TM9SF4: variants seen among roughly 807,000 people sequenced by gnomAD.
TM9SF4 encodes transmembrane 9 superfamily member 4, also known as dinucleotide oxidase disulfide thiol exchanger 3 superfamily member 4.
TM9SF4 carries 26 observed loss-of-function variants against 90.4 expected under a neutral mutation model. The observed-to-expected ratio is 0.29, with a 90% CI of 0.21 to 0.40. The LOEUF (loss-of-function observed/expected upper bound fraction) is 0.40, where lower values mean the gene tolerates loss of function less well. TM9SF4 is among the 10% of genes least tolerant of loss of function. The pLI, the probability that TM9SF4 is intolerant of heterozygous loss-of-function variation, is 1.00. For synonymous variants in TM9SF4, 293 were observed against 315.4 expected (o/e 0.93, Z 0.75); for missense variants, 549 against 834.8 (o/e 0.66, Z 4.22).
intron 1 of TM9SF4, among the ~76,000 whole-genome samples, chr20:32,113,983 G>C (rs901560649): frequency 3.3e-5 from 5 of 152,340 alleles, no homozygotes; most frequent in African/African-American, 1.2e-4. Context: ...TCATGTATCA[G>C]TAGTGCCGCA....
intron 13 of TM9SF4, 100 bp from the exon 14 acceptor site, chr20:32,157,694 G>A (rs997061430): frequency 2.1e-5 from 30 of 1,455,530 alleles, no homozygotes; most frequent in African/African-American, 1.1e-4. Context: ...TGCACAAGTC[G>A]CCTCTCCTTC....
At position 32,119,948 on chromosome 20, in the gene TM9SF4, T is replaced by C. The variant is rs1218315665; in HGVS notation, c.15+10193T>C. On this transcript the variant is annotated intron_variant, in intron 1 of 17. Transcript: ENST00000398022. ...TATTGAATTTGCCTTGTCAGCTTTG[T>C]TGAAAATCAATTTAGTATAAATGTA... Among the ~76,000 whole-genome samples the C allele has an allele frequency of 2.0e-5, 3 of 152,224 alleles. No individual in the cohort carries two copies. The East Asian group carries it at 5.8e-4, about 29-fold the overall frequency.
chr20:32,149,876 C>A, intron 10 of TM9SF4, 110 bp downstream of exon 10: 1 of 1,455,192 alleles, frequency 6.9e-7, no homozygotes. Context: ...AAGCTCCTGG[C>A]ACCAAGTGGG....
intron 3 of TM9SF4, among the ~76,000 whole-genome samples, chr20:32,141,216 CAAAAAAAAAAAA>C (rs71185383): frequency 3.5e-4 from 9 of 26,036 alleles, no homozygotes; most frequent in African/African-American, 1.1e-3. Context: ...GACTCCATCT[CAAAAAAAAAAAA>C]AAAAAAAAAA....
At position 32,165,473 on chromosome 20, in the gene TM9SF4, C is replaced by T. The variant is rs751424761; in HGVS notation, c.*29C>T. The T allele has an allele frequency of 8.7e-6, 14 of 1,608,570 alleles. No homozygotes were observed. Among genetic ancestry groups the T allele is most frequent in the East Asian group, 2.2e-5 (1 of 44,710 alleles). ...GAGTGGACCACGGCCAAGCTTGCTCCGTCCTCGGACAGGAAGCCACCCTGC... is the reference window on the plus strand; with the variant it reads ...GAGTGGACCACGGCCAAGCTTGCTCTGTCCTCGGACAGGAAGCCACCCTGC... On this transcript the variant is annotated 3_prime_UTR_variant, in exon 18 of 18. Coordinates refer to ENST00000398022, the MANE Select transcript of TM9SF4 (RefSeq NM_014742.4).
intron 13 of TM9SF4, among the ~76,000 whole-genome samples, chr20:32,155,418 C>T (rs915750436): frequency 6.6e-6 from 1 of 152,220 alleles, no homozygotes. Context: ...CTGACCCAAG[C>T]CCACTTCTCT....
chr20:32,136,751 G>A (rs1468494285), intron 3 of TM9SF4: 1 of 433,446 alleles, frequency 2.3e-6, no homozygotes, highest in Non-Finnish European at 4.8e-6. Context: ...CAGGTGTAGA[G>A]GTGTCTAGTC....
chr20:32,135,572 G>A (rs1055736839), intron 2 of TM9SF4, among the ~76,000 whole-genome samples: 3 of 152,182 alleles, frequency 2.0e-5, no homozygotes, highest in Admixed American at 6.5e-5. Context: ...CCCTGGTGAG[G>A]TAAGGACACA....
At chr20:32,163,268 A>AAAAAAAAATAT (rs1555886757) in intron 17 of TM9SF4, among the ~76,000 whole-genome samples, 8 of 74,492 alleles carry the variant, frequency 1.1e-4, no homozygotes, top group African/African-American at 4.1e-4. Flanking sequence ...AAAAAAAAAA[A>AAAAAAAAATAT]ATATATATAT....
chr20:32,110,401 C>G (rs1319938674), intron 1 of TM9SF4, among the ~76,000 whole-genome samples: 1 of 152,176 alleles, frequency 6.6e-6, no homozygotes, highest in Non-Finnish European at 1.5e-5. Flanking sequence ...TCTTAGGGAC[C>G]TTTTACCCTG....
intron 1 of TM9SF4, among the ~76,000 whole-genome samples, chr20:32,113,875 G>C (rs2046184387): frequency 6.6e-6 from 1 of 152,096 alleles, no homozygotes; most frequent in Non-Finnish European, 1.5e-5. Context: ...CTATAGATTT[G>C]CCTATTCTGG....
chr20:32,153,725 C>T (rs2046876381), intron 12 of TM9SF4, among the ~76,000 whole-genome samples: 1 of 152,070 alleles, frequency 6.6e-6, no homozygotes, highest in South Asian at 2.1e-4. Flanking sequence ...GCCTGAGTGA[C>T]AGAGTGAGAC....
At chr20:32,119,010 G>C (rs1267723682) in intron 1 of TM9SF4, among the ~76,000 whole-genome samples, 1 of 152,130 alleles carries the variant, frequency 6.6e-6, no homozygotes, top group African/African-American at 2.4e-5. Flanking sequence ...ACATTATGTT[G>C]TGTGCCTACC....
chr20:32,161,040 A>AT (rs905239130), intron 16 of TM9SF4: 8,447 of 226,678 alleles, frequency 0.037, 14 homozygotes, highest in Non-Finnish European at 0.049. Flanking sequence ...TTTGTTGTTG[A>AT]TTTTTTTTTT....
intron 3 of TM9SF4, chr20:32,136,950 G>C: frequency 2.1e-6 from 1 of 471,094 alleles, no homozygotes; most frequent in Non-Finnish European, 4.4e-6. Context: ...GCTACGCATG[G>C]CTCAGATGTT....
chr20:32,160,643 C>A (rs1274259399), intron 16 of TM9SF4, among the ~76,000 whole-genome samples: 1 of 152,142 alleles, frequency 6.6e-6, no homozygotes, highest in Non-Finnish European at 1.5e-5. Flanking sequence ...GTGGATTCAT[C>A]TATAGCACTT....
Position 32,134,626 on chromosome 20 carries a change from G to A in TM9SF4, c.130-1448G>A, listed in dbSNP as rs145791959. On this transcript the variant is annotated intron_variant, in intron 2 of 17. Coordinates refer to ENST00000398022, the MANE Select transcript of TM9SF4 (RefSeq NM_014742.4). ...ACTGTCCAGACCCAGCTTGGCTATG[G>A]TTTGTATACCACATTGCCTTCTAAA... Among the ~76,000 whole-genome samples, 914 of 151,576 alleles carry A rather than the reference G, an allele frequency of 6.0e-3. 6 individuals are homozygous for A. Among genetic ancestry groups the A allele is most frequent in the Non-Finnish European group, 9.6e-3 (649 of 67,890 alleles).
Position 32,143,101 on chromosome 20 carries a change from G to A in TM9SF4, c.648G>A (p.Leu216=), listed in dbSNP as rs899691905. 54 of 1,612,976 alleles carry A rather than the reference G, an allele frequency of 3.3e-5. No individual in the cohort carries two copies. The highest frequency in any genetic ancestry group is 5.3e-5 in the African/African-American group (4 of 74,904). ...RFEVIPQSIR[L]EDLKADEKSS... is the part of the protein sequence containing the mutation. ...AGGTGATTCCCCAGAGCATCAGGCT[G>A]GAGGGTGAGTGGGGAGGTGTGGCCG... is the stretch of plus-strand genomic sequence containing the variant. The change falls in exon 6 of 18, where the codon CTG becomes CTA. Residue 216 remains leucine, a synonymous_variant. Coordinates refer to ENST00000398022, the MANE Select transcript of TM9SF4 (RefSeq NM_014742.4).
chr20:32,144,219 C>T (rs1027624801), intron 6 of TM9SF4, among the ~76,000 whole-genome samples: 1 of 152,188 alleles, frequency 6.6e-6, no homozygotes, highest in African/African-American at 2.4e-5. Flanking sequence ...GCTTGGATTA[C>T]AGGCGTGAGC....
Sources: gnomAD v4.1 joint callset for allele counts (sites outside exome capture counted in the v4.1 genomes callset) on GRCh38, gnomAD v4.1.1 for gene constraint, MANE v1.5 for transcripts, NCBI Gene and HGNC (gene_info 2026-07-23, HGNC 2026-07-21) for gene names.